The following CIT variants were observed in gnomAD, a reference collection of about 807,000 sequenced individuals.
CIT encodes citron Rho-interacting kinase.
In CIT, 79 loss-of-function variants were observed where a neutral mutation model predicts 272.7. That is an observed-to-expected ratio of 0.29 (90% CI 0.24 to 0.35). The LOEUF is 0.35. Among genes scored for constraint, CIT ranks in the 10% least tolerant of loss-of-function variants. The pLI is 1.00. For synonymous variants in CIT, 948 were observed against 995.6 expected (o/e 0.95, Z 0.90); for missense variants, 1,909 against 2,618.3 (o/e 0.73, Z 5.91).
chr12:119,739,204 A>G (rs913292959), intron 24 of CIT, among the ~76,000 whole-genome samples: 1 of 152,220 alleles, frequency 6.6e-6, no homozygotes, highest in African/African-American at 2.4e-5. Context: ...AGATTGATTC[A>G]TAATTAAAAC....
At chr12:119,708,635 G>A (rs1678472432) in intron 39 of CIT, among the ~76,000 whole-genome samples, 1 of 152,004 alleles carries the variant, frequency 6.6e-6, no homozygotes, top group African/African-American at 2.4e-5. Context: ...ACAGGTGCAT[G>A]CTACCACGCC....
At chr12:119,830,224 G>C (rs1177329784) in intron 7 of CIT, among the ~76,000 whole-genome samples, 1 of 151,388 alleles carries the variant, frequency 6.6e-6, no homozygotes, top group African/African-American at 2.4e-5. Context: ...GAGAAAAAGA[G>C]AGGCAATATT....
intron 13 of CIT, among the ~76,000 whole-genome samples, chr12:119,780,188 G>C (rs982847978): frequency 6.6e-6 from 1 of 152,202 alleles, no homozygotes; most frequent in African/African-American, 2.4e-5. Context: ...CTGAGTAGGG[G>C]AGCAAGGAAG....
At chr12:119,863,200 T>C (rs1593993583) in intron 3 of CIT, among the ~76,000 whole-genome samples, 1 of 46,626 alleles carries the variant, frequency 2.1e-5, no homozygotes, top group Admixed American at 2.5e-4. Context: ...AGACTCTGTA[T>C]CAAAAAAAAA....
At chr12:119,820,963 C>G (rs1422741576) in intron 9 of CIT, among the ~76,000 whole-genome samples, 2 of 151,938 alleles carry the variant, frequency 1.3e-5, no homozygotes, top group Non-Finnish European at 2.9e-5. Context: ...GAGTGAGACT[C>G]TGTCTCAAAA....
In CIT at chr12:119,720,489, TAGCAGG is replaced by T; in HGVS notation, c.3823_3828del (p.Pro1275_Ala1276del). The T allele has an allele frequency of 6.2e-7, 1 of 1,606,706 alleles. No homozygotes were observed. The highest frequency in any genetic ancestry group is 8.5e-7 in the Non-Finnish European group (1 of 1,177,872). On this transcript the variant is annotated inframe_deletion, in exon 30 of 48. Coordinates refer to ENST00000392521, the MANE Select transcript of CIT (RefSeq NM_001206999.2). ...ACACTTTGACTCACCTTTTTCTTTTTAGCAGGTTGGTCCATTTTGGCTTGCAGAAAA... is the reference window on the plus strand; with the variant it reads ...ACACTTTGACTCACCTTTTTCTTTTTTTGGTCCATTTTGGCTTGCAGAAAA...
chr12:119,709,785 AGAGTGTGTGTGTGTGTGTGT>A (rs1180710325), intron 39 of CIT, among the ~76,000 whole-genome samples: 2 of 52,442 alleles, frequency 3.8e-5, no homozygotes, highest in South Asian at 8.6e-4. Context: ...AGAGAGAGAG[AGAGTGTGTGTGTGTGTGTGT>A]GTGTGTGTGT....
At chr12:119,824,722 T>C (rs903515316) in intron 8 of CIT, among the ~76,000 whole-genome samples, 1 of 152,220 alleles carries the variant, frequency 6.6e-6, no homozygotes, top group African/African-American at 2.4e-5. Flanking sequence ...ACAATACGTA[T>C]AAAATATTCA....
rs564485486 is a variant in CIT, at chr12:119,834,367, A to G, written c.517-139T>C. 14 of 727,536 alleles carry G rather than the reference A, an allele frequency of 1.9e-5. No individual in the cohort carries two copies. The African/African-American group carries it at 2.5e-4, about 13-fold the overall frequency. 45.1% of individuals were successfully genotyped at this position (727,536 alleles called of 1,614,324 possible). On this transcript the variant is annotated intron_variant, in intron 5 of 47. Transcript: ENST00000392521. ...AAGAAGATGTGTAAGGCACGCTGTAAGTCATGTAGGATGAAGTCCCTGCCC... is the reference window on the plus strand; with the variant it reads ...AAGAAGATGTGTAAGGCACGCTGTAGGTCATGTAGGATGAAGTCCCTGCCC...
At chr12:119,801,508 C>T (rs1422049494) in intron 10 of CIT, among the ~76,000 whole-genome samples, 2 of 152,180 alleles carry the variant, frequency 1.3e-5, no homozygotes, top group Non-Finnish European at 2.9e-5. Context: ...TCGAATCCTC[C>T]CTCGTCTTTC....
chr12:119,714,437 ATC>A, intron 32 of CIT, 103 bp from the exon 33 acceptor site: 1 of 1,225,280 alleles, frequency 8.2e-7, no homozygotes, highest in East Asian at 2.5e-5. Flanking sequence ...TGCAAATCAA[ATC>A]TCTGATAAGG....
chr12:119,753,464 C>G (rs1021173014), intron 22 of CIT, among the ~76,000 whole-genome samples: 8 of 152,120 alleles, frequency 5.3e-5, no homozygotes, highest in Admixed American at 3.3e-4. Context: ...CAGCCGGGTG[C>G]AATGGCTCAC....
intron 9 of CIT, among the ~76,000 whole-genome samples, chr12:119,811,189 G>A (rs1020166216): frequency 6.6e-6 from 1 of 152,082 alleles, no homozygotes; most frequent in Non-Finnish European, 1.5e-5. Flanking sequence ...AGCCGGGTGT[G>A]GTGATGCACA....
chr12:119,784,721 A>G lies in CIT; in HGVS notation c.1401+239T>C. Reference sequence around the variant, plus strand: ...ACATCTGGCTGGGTCATGCTGAGAAACGGACTGTTTAAATCCAGGGCCTCC... The same window carrying G: ...ACATCTGGCTGGGTCATGCTGAGAAGCGGACTGTTTAAATCCAGGGCCTCC... On this transcript the variant is annotated intron_variant, in intron 11 of 47. Transcript: ENST00000392521. This position sits in a 1 kb window ranked among gnomAD's most constrained non-coding sequence, Gnocchi z 4.7. 7.3e-7 allele frequency: 1 copy of G among 1,366,560 alleles called. No homozygotes were observed. Among genetic ancestry groups the G allele is most frequent in the Non-Finnish European group, 9.4e-7 (1 of 1,062,220 alleles). 84.7% of individuals were successfully genotyped at this position (1,366,560 alleles called of 1,614,324 possible).
rs1957250356 is a variant in CIT at position 119,713,020 on chromosome 12, G to A, written c.4579+183C>T. 1 of 643,174 alleles carries A rather than the reference G, an allele frequency of 1.6e-6. No homozygotes were observed. The highest frequency in any genetic ancestry group is 2.8e-6 in the Non-Finnish European group (1 of 361,576). The allele number at this position is 643,174 out of a possible 1,614,324, so 39.8% of individuals were successfully genotyped here. ...AGCGCCCTGCGGGTTCTTCAGGGGGGAGACCTATAGATGTGAGTATCGCAC... is the reference window on the plus strand; with the variant it reads ...AGCGCCCTGCGGGTTCTTCAGGGGGAAGACCTATAGATGTGAGTATCGCAC... On this transcript the variant is annotated intron_variant, in intron 35 of 47. Transcript: ENST00000392521. This position sits in a 1 kb window ranked among gnomAD's most constrained non-coding sequence, Gnocchi z 5.2.
At chr12:119,841,973 A>C (rs1439234210) in intron 5 of CIT, among the ~76,000 whole-genome samples, 1 of 152,222 alleles carries the variant, frequency 6.6e-6, no homozygotes, top group African/African-American at 2.4e-5. Context: ...ATTTGGAGTG[A>C]ACACAAGGAA....
At chr12:119,757,785 G>T (rs530675256) in intron 21 of CIT, among the ~76,000 whole-genome samples, 70 of 152,238 alleles carry the variant, frequency 4.6e-4, no homozygotes, top group Non-Finnish European at 8.8e-4. Context: ...ATTAAGTAAG[G>T]TCCAGGAGGA....
intron 46 of CIT, among the ~76,000 whole-genome samples, chr12:119,696,421 C>T (rs1956226069): frequency 6.6e-6 from 1 of 152,134 alleles, no homozygotes; most frequent in African/African-American, 2.4e-5. Flanking sequence ...GGGTTAATTT[C>T]CAGAGCTCTG....
At chr12:119,857,379 G>A (rs893546843) in intron 4 of CIT, 144 bp downstream of exon 4, 6 of 738,622 alleles carry the variant, frequency 8.1e-6, no homozygotes, top group Non-Finnish European at 1.3e-5. Flanking sequence ...GAACATGAGA[G>A]ACCTTTTTGC....
Sources: allele counts gnomAD v4.1 joint callset (sites outside exome capture counted in the v4.1 genomes callset), GRCh38; gene constraint gnomAD v4.1.1; non-coding constraint Gnocchi (gnomAD v3.1); transcripts MANE v1.5; gene names NCBI Gene and HGNC (gene_info 2026-07-23, HGNC 2026-07-21).